Variants in RRP12 observed in about 807,000 individuals in gnomAD.
RRP12 encodes ribosomal RNA processing 12 homolog, also known as RRP12-like protein.
Under a neutral mutation model 157.3 loss-of-function variants are expected in RRP12, and 78 were observed. The observed-to-expected ratio is 0.50, with a 90% CI of 0.41 to 0.60. The LOEUF (loss-of-function observed/expected upper bound fraction) is 0.60, where lower values mean the gene tolerates loss of function less well. RRP12 is among the 20% of genes least tolerant of loss of function. The pLI is 0.00. For missense variants in RRP12, 1,521 were observed against 1,679.9 expected, an observed-to-expected ratio of 0.91 and a Z score of 1.65; for synonymous variants, 726 against 670.9, an observed-to-expected ratio of 1.08 and a Z score of -1.27.
intron 32 of RRP12, 159 bp from the exon 33 acceptor site, chr10:97,358,778 T>A: frequency 1.3e-6 from 1 of 788,752 alleles, no homozygotes; most frequent in South Asian, 1.5e-5. Context: ...GGTCCCCCAT[T>A]TCAGATGCCA....
In RRP12 at chr10:97,388,605, T is replaced by C. The variant is rs1223805105; in HGVS notation, c.773A>G (p.His258Arg). 6.2e-7 allele frequency: 1 copy of C among 1,614,170 alleles called. No individual in the cohort carries two copies. Among genetic ancestry groups the C allele is most frequent in the Non-Finnish European group, 8.5e-7 (1 of 1,180,010 alleles). Residue 258 changes from histidine to arginine, a missense_variant, in exon 7 of 34, where the codon CAT (histidine) becomes CGT (arginine). Physicochemically the swap from His to Arg is conservative, Grantham distance 29. Coordinates refer to ENST00000370992, the MANE Select transcript of RRP12 (RefSeq NM_015179.4). ...PKPKIRKAAQ[H>R]GVCSVLKGSE... ...GCCCTTGAGGACTGAGCATACTCCATGCTGGGCAGCCTTCCGGATCTGAGG... is the reference window on the plus strand; with the variant it reads ...GCCCTTGAGGACTGAGCATACTCCACGCTGGGCAGCCTTCCGGATCTGAGG...
intron 15 of RRP12, among the ~76,000 whole-genome samples, chr10:97,375,025 AC>A (rs201831210): frequency 1.3e-5 from 2 of 152,052 alleles, no homozygotes; most frequent in East Asian, 3.9e-4. Context: ...TGGGATATAA[AC>A]CGTGTCTGTT....
intron 6 of RRP12, among the ~76,000 whole-genome samples, chr10:97,390,208 A>G (rs7919755): frequency 0.03 from 4,509 of 152,296 alleles, 234 homozygotes; most frequent in African/African-American, 0.1. Context: ...ATGAGGCACC[A>G]GAGACTCAGA....
At chr10:97,375,667 G>T (rs1844285528) in intron 15 of RRP12, among the ~76,000 whole-genome samples, 2 of 152,094 alleles carry the variant, frequency 1.3e-5, no homozygotes, top group Admixed American at 6.5e-5. Flanking sequence ...CATTTTGGGG[G>T]TTCATCTGTA....
At chr10:97,376,902 CAG>C (rs1306030898) in intron 15 of RRP12, among the ~76,000 whole-genome samples, 1 of 145,796 alleles carries the variant, frequency 6.9e-6, no homozygotes, top group Non-Finnish European at 1.5e-5. Context: ...TTTTTTGAGA[CAG>C]AGTCTCGCTG....
chr10:97,365,816 GGGA>G (rs1171219918), intron 29 of RRP12: 14 of 330,132 alleles, frequency 4.2e-5, no homozygotes, highest in South Asian at 1.2e-4. Context: ...GAAGAGGAGG[GGGA>G]GGAGGAGGAG....
At chr10:97,393,655 T>C (rs766580414) in intron 4 of RRP12, 29 bp downstream of exon 4, 14 of 1,591,974 alleles carry the variant, frequency 8.8e-6, no homozygotes, top group Admixed American at 1.7e-5. Flanking sequence ...ACAAAAAGCC[T>C]TGGGGTTCAA....
chr10:97,400,953 A>G, intron 1 of RRP12, 140 bp downstream of exon 1: 1 of 1,051,534 alleles, frequency 9.5e-7, no homozygotes, highest in Non-Finnish European at 1.3e-6. Flanking sequence ...TGCCCTTCAG[A>G]GAGGGCTCCA....
chr10:97,399,602 C>G (rs183813031), intron 2 of RRP12, among the ~76,000 whole-genome samples: 11 of 151,844 alleles, frequency 7.2e-5, no homozygotes. Flanking sequence ...TGCCTGTAAT[C>G]CCAGCATTTT....
At chr10:97,366,646 G>A in intron 27 of RRP12, 25 bp from the exon 28 acceptor site, 2 of 1,604,842 alleles carry the variant, frequency 1.2e-6, no homozygotes, top group Non-Finnish European at 1.7e-6. Context: ...CCCCCAGTCA[G>A]AGTGCTCCCA....
chr10:97,394,708 T>C (rs927393664), intron 3 of RRP12, among the ~76,000 whole-genome samples: 1 of 152,096 alleles, frequency 6.6e-6, no homozygotes, highest in Non-Finnish European at 1.5e-5. Context: ...TATACTGCCA[T>C]CTAATTTATT....
At chr10:97,379,872 C>G in intron 13 of RRP12, 102 bp from the exon 14 acceptor site, 1 of 1,150,812 alleles carries the variant, frequency 8.7e-7, no homozygotes. Flanking sequence ...GGCCTGGGTT[C>G]AACGCTACAC....
chr10:97,371,189 G>A (rs1324793966), intron 20 of RRP12, 108 bp from the exon 21 acceptor site: 2 of 1,170,888 alleles, frequency 1.7e-6, no homozygotes, highest in Non-Finnish European at 1.2e-6. Flanking sequence ...GTCCGTGGGG[G>A]CTCATGTGGC....
intron 19 of RRP12, 90 bp from the exon 20 acceptor site, chr10:97,372,256 G>T: frequency 2.1e-6 from 2 of 941,944 alleles, no homozygotes; most frequent in Non-Finnish European, 3.3e-6. Flanking sequence ...GTATGGGGAG[G>T]TGGGAGAAGT....
At chr10:97,360,461 C>T in intron 31 of RRP12, 85 bp downstream of exon 31, 1 of 1,115,862 alleles carries the variant, frequency 9.0e-7, no homozygotes, top group South Asian at 1.3e-5. Context: ...ACCCTCATGG[C>T]CCTGCCACCC....
At chr10:97,373,548 G>A (rs376505249) in intron 17 of RRP12, 27 bp downstream of exon 17, 246 of 1,568,626 alleles carry the variant, frequency 1.6e-4, no homozygotes, top group Non-Finnish European at 2.0e-4. Flanking sequence ...ATCCTCCCCA[G>A]CCCCCACTCC....
At chr10:97,375,261 TAA>T (rs11378492) in intron 15 of RRP12, among the ~76,000 whole-genome samples, 6 of 137,326 alleles carry the variant, frequency 4.4e-5, no homozygotes, top group Non-Finnish European at 6.2e-5. Context: ...CCTGGCTAAC[TAA>T]AAAAAAAAAA....
chr10:97,381,357 C>T, intron 12 of RRP12, 29 bp downstream of exon 12: 2 of 1,514,674 alleles, frequency 1.3e-6, no homozygotes, highest in East Asian at 2.3e-5. Context: ...TACCACCATC[C>T]CTTCCTAACA....
At chr10:97,400,795 G>A (rs1437477479) in intron 1 of RRP12, among the ~76,000 whole-genome samples, 1 of 152,156 alleles carries the variant, frequency 6.6e-6, no homozygotes, top group African/African-American at 2.4e-5. Flanking sequence ...CATTCAGAGG[G>A]CCTGCAAAAT....
Sources: allele counts gnomAD v4.1 joint callset (sites outside exome capture counted in the v4.1 genomes callset), GRCh38; gene constraint gnomAD v4.1.1; transcripts MANE v1.5; gene names NCBI Gene and HGNC (gene_info 2026-07-23, HGNC 2026-07-21).